Variants in GPC6 observed in about 807,000 individuals in gnomAD.
The protein encoded by GPC6 is glypican-6.
A neutral mutation model predicts 55.2 loss-of-function variants in GPC6; 14 were observed. That is an observed-to-expected ratio of 0.25 (90% confidence interval 0.17 to 0.40). The LOEUF is 0.40. Ranked by LOEUF, GPC6 falls within the 10% of genes least tolerant of loss-of-function variation. The pLI is 1.00. For synonymous variants in GPC6, 278 were observed against 259.6 expected, an observed-to-expected ratio of 1.07 and a Z score of -0.68; for missense variants, 641 against 708.5, an observed-to-expected ratio of 0.90 and a Z score of 1.08.
intron 1 of GPC6, among the ~76,000 whole-genome samples, chr13:93,459,545 A>G (rs1353376331): frequency 6.6e-6 from 1 of 152,224 alleles, no homozygotes; most frequent in African/African-American, 2.4e-5. Context: ...CTGTATTTGC[A>G]GTACAACCCA....
intron 3 of GPC6, 149 bp downstream of exon 3, chr13:93,830,694 G>A (rs1887457391): frequency 7.2e-6 from 5 of 691,548 alleles, no homozygotes; most frequent in Non-Finnish European, 1.2e-5. Context: ...AAATATCAAA[G>A]CATAATTCTG....
At chr13:93,592,752 T>C (rs550785972) in intron 2 of GPC6, among the ~76,000 whole-genome samples, 2 of 152,206 alleles carry the variant, frequency 1.3e-5, no homozygotes, top group African/African-American at 4.8e-5. Flanking sequence ...AATTCATATT[T>C]AGTAATTGTT....
chr13:94,167,474 A>G (rs377075266), intron 4 of GPC6, among the ~76,000 whole-genome samples: 9 of 152,220 alleles, frequency 5.9e-5, no homozygotes, highest in African/African-American at 2.2e-4. Flanking sequence ...TGGATACTAT[A>G]TTTAAATTCA....
At chr13:93,919,969 C>A (rs779716533) in intron 3 of GPC6, among the ~76,000 whole-genome samples, 8 of 152,166 alleles carry the variant, frequency 5.3e-5, no homozygotes, top group Non-Finnish European at 8.8e-5. Flanking sequence ...TCCTCTGTTT[C>A]CTTTTTCAGC....
intron 3 of GPC6, among the ~76,000 whole-genome samples, chr13:93,993,295 C>CTT (rs545224527): frequency 0.12 from 17,229 of 139,750 alleles, 1,267 homozygotes; most frequent in East Asian, 0.25. Context: ...TTCTTTCTTT[C>CTT]TTTTTTTTTT....
intron 1 of GPC6, among the ~76,000 whole-genome samples, chr13:93,323,473 A>G (rs1263628276): frequency 1.3e-5 from 2 of 151,648 alleles, no homozygotes; most frequent in South Asian, 2.1e-4. Flanking sequence ...TCATTTCTTC[A>G]TGAGCGTTTC....
intron 4 of GPC6, among the ~76,000 whole-genome samples, chr13:94,077,149 A>G (rs1176946501): frequency 6.6e-6 from 1 of 151,610 alleles, no homozygotes; most frequent in African/African-American, 2.4e-5. Flanking sequence ...TTGGGTCTTT[A>G]ATTTCTTTCA....
chr13:93,808,668 G>C (rs955281797), intron 2 of GPC6, among the ~76,000 whole-genome samples: 1 of 152,308 alleles, frequency 6.6e-6, no homozygotes, highest in African/African-American at 2.4e-5. Flanking sequence ...AACTCCTATG[G>C]AAAGCAAGTT....
At chr13:93,557,059 G>T (rs1875521189) in intron 2 of GPC6, among the ~76,000 whole-genome samples, 1 of 152,094 alleles carries the variant, frequency 6.6e-6, no homozygotes, top group Non-Finnish European at 1.5e-5. Context: ...TGATCTCTAA[G>T]GAATCTGGGA....
At chr13:93,454,759 T>A (rs1179526607) in intron 1 of GPC6, among the ~76,000 whole-genome samples, 1 of 152,252 alleles carries the variant, frequency 6.6e-6, no homozygotes, top group African/African-American at 2.4e-5. Context: ...CAGGTGGAGC[T>A]GCCTGCCAGT....
rs1219788830 is a variant in GPC6, at chr13:93,845,846, G to T, written c.711+15301G>T. Among the ~76,000 whole-genome samples the T allele has an allele frequency of 2.6e-5, 3 of 116,304 alleles. No individual in the cohort carries two copies. The East Asian group carries it at 9.7e-4, about 38-fold the overall frequency. 76.3% of individuals were successfully genotyped at this position (116,304 alleles called of 152,430 possible). A position where few individuals can be genotyped will look rare whatever the true frequency, so the allele number is the denominator to read the frequency against. On this transcript the variant is annotated intron_variant, in intron 3 of 8. Coordinates refer to ENST00000377047, the MANE Select transcript of GPC6 (RefSeq NM_005708.5). ...TGGGGACTGTTGTGGGGTGGGGGGA[G>T]GGGGGAGGGATAGCATTGGGAGATA... is the stretch of plus-strand genomic sequence containing the variant.
intron 4 of GPC6, among the ~76,000 whole-genome samples, chr13:94,117,071 C>A (rs1886458216): frequency 6.6e-6 from 1 of 152,056 alleles, no homozygotes; most frequent in African/African-American, 2.4e-5. Flanking sequence ...CACTAAGGAG[C>A]AGCGACGTTA....
chr13:93,799,958 G>C (rs566360263), intron 2 of GPC6, among the ~76,000 whole-genome samples: 205 of 152,224 alleles, frequency 1.3e-3, no homozygotes, highest in Admixed American at 2.5e-3. Context: ...CAGTAGCCTG[G>C]GTTGTGGGTA....
chr13:93,691,851 T>G (rs1385427129), intron 2 of GPC6, among the ~76,000 whole-genome samples: 2 of 152,026 alleles, frequency 1.3e-5, no homozygotes, highest in Admixed American at 6.6e-5. Context: ...AAAATCATGT[T>G]TTAGTGAGCA....
At chr13:93,376,858 C>G (rs367596544) in intron 1 of GPC6, among the ~76,000 whole-genome samples, 1 of 151,044 alleles carries the variant, frequency 6.6e-6, no homozygotes, top group South Asian at 2.1e-4. Flanking sequence ...CATTTCCAGA[C>G]ACTGTCATGT....
chr13:93,771,295 C>G (rs543343981), intron 2 of GPC6, among the ~76,000 whole-genome samples: 100 of 152,292 alleles, frequency 6.6e-4, no homozygotes, highest in African/African-American at 2.3e-3. Flanking sequence ...CTTCCTTCCT[C>G]GGTGAAAGGC....
At chr13:93,416,084 T>A (rs1352532242) in intron 1 of GPC6, among the ~76,000 whole-genome samples, 1 of 152,150 alleles carries the variant, frequency 6.6e-6, no homozygotes, top group African/African-American at 2.4e-5. Context: ...CTTAATTTTG[T>A]GATTTGGCTT....
intron 2 of GPC6, among the ~76,000 whole-genome samples, chr13:93,684,727 T>C (rs928705523): frequency 3.9e-5 from 6 of 152,112 alleles, no homozygotes; most frequent in Non-Finnish European, 8.8e-5. Flanking sequence ...CATACATGTA[T>C]TTTAAGTAAA....
chr13:93,539,458 G>T (rs145673699), intron 1 of GPC6, among the ~76,000 whole-genome samples: 1 of 152,126 alleles, frequency 6.6e-6, no homozygotes, highest in African/African-American at 2.4e-5. Flanking sequence ...AGAGGATCTC[G>T]GAAAGAATTT....
Sources: allele counts gnomAD v4.1 joint callset (sites outside exome capture counted in the v4.1 genomes callset), GRCh38; gene constraint gnomAD v4.1.1; transcripts MANE v1.5; gene names NCBI Gene and HGNC (gene_info 2026-07-23, HGNC 2026-07-21).